PPARGC1B: variants seen among roughly 807,000 people sequenced by gnomAD.
The protein encoded by PPARGC1B is peroxisome proliferator-activated receptor gamma coactivator 1-beta.
Under a neutral mutation model 101.6 loss-of-function variants are expected in PPARGC1B, and 34 were observed. That is an observed-to-expected ratio of 0.33 (90% CI 0.25 to 0.45). PPARGC1B has a LOEUF of 0.45. PPARGC1B is among the 20% of genes least tolerant of loss of function. PPARGC1B has a pLI of 1.00. For synonymous variants in PPARGC1B, 548 were observed against 539.3 expected (o/e 1.02, Z -0.22); for missense variants, 1,234 against 1,317.6 (o/e 0.94, Z 0.98).
In PPARGC1B at chr5:149,852,963, A is replaced by T. The variant is rs1015242305; in HGVS notation, c.*5405A>T. Reference sequence around the variant, plus strand: ...AGGAGTACAAAAATCCAACTGCCCAAATTTGGGGCTTGGAAAATAGGTTTT... The same window carrying T: ...AGGAGTACAAAAATCCAACTGCCCATATTTGGGGCTTGGAAAATAGGTTTT... On this transcript the variant is annotated 3_prime_UTR_variant, in exon 12 of 12. Coordinates refer to ENST00000309241, the MANE Select transcript of PPARGC1B (RefSeq NM_133263.4). 2 of 152,086 alleles carry T rather than the reference A, an allele frequency of 1.3e-5. No homozygotes were observed. Among genetic ancestry groups the T allele is most frequent in the African/African-American group, 4.8e-5 (2 of 41,396 alleles). 9.4% of individuals were successfully genotyped at this position (152,086 alleles called of 1,614,324 possible). A position where few individuals can be genotyped will look rare whatever the true frequency, so the allele number is the denominator to read the frequency against.
intron 1 of PPARGC1B, among the ~76,000 whole-genome samples, chr5:149,799,991 G>C (rs924372435): frequency 2.6e-5 from 4 of 152,016 alleles, no homozygotes; most frequent in African/African-American, 7.2e-5. Context: ...GAGCCATTGC[G>C]CTTGGCTGGA....
intron 1 of PPARGC1B, among the ~76,000 whole-genome samples, chr5:149,770,186 A>C (rs1055044522): frequency 1.3e-5 from 2 of 152,028 alleles, no homozygotes; most frequent in African/African-American, 4.8e-5. Context: ...CATCATGCCT[A>C]AGCCCCTGCC....
chr5:149,841,218 G>A (rs936320924), intron 9 of PPARGC1B, among the ~76,000 whole-genome samples: 8 of 152,316 alleles, frequency 5.3e-5, no homozygotes, highest in African/African-American at 1.4e-4. Flanking sequence ...CCAGGGAAGG[G>A]CACCTTCAGG....
chr5:149,780,976 G>A (rs938779532), intron 1 of PPARGC1B, among the ~76,000 whole-genome samples: 6 of 152,202 alleles, frequency 3.9e-5, no homozygotes, highest in Admixed American at 2.6e-4. Context: ...GGCCAAGGCG[G>A]GGGAATCGCC....
chr5:149,847,122 A>G lies in PPARGC1B; in HGVS notation c.2972-336A>G. 7.1e-6 allele frequency: 3 copies of G among 422,412 alleles called. No homozygotes were observed. The East Asian group carries it at 1.5e-4, about 21-fold the overall frequency. The allele number at this position is 422,412 out of a possible 1,614,324, so 26.2% of individuals were successfully genotyped here. ...ATTCTAGTGTTGTTAGCCCTCCCTT[A>G]TGTGGCACTGCAGCAGGTTACTAAT... On this transcript the variant is annotated intron_variant, in intron 11 of 11. Coordinates refer to ENST00000309241, the MANE Select transcript of PPARGC1B (RefSeq NM_133263.4).
Position 149,829,587 on chromosome 5 carries a change from C to T in PPARGC1B, c.466-1180C>T, listed in dbSNP as rs555481183. 3.2e-4 allele frequency among the ~76,000 whole-genome samples: 48 copies of T among 151,828 alleles called. 1 individual carries two copies. The highest frequency in any genetic ancestry group is 5.0e-4 in the Non-Finnish European group (34 of 67,984). ...TATCAAGCTTGGCTAGGATCTCCGG[C>T]GGAAAATCTAGATGTATTCAACTTC... is the stretch of plus-strand genomic sequence containing the variant. On this transcript the variant is annotated intron_variant, in intron 3 of 11. Transcript: ENST00000309241.
At chr5:149,847,238 A>T (rs907219953) in intron 11 of PPARGC1B, 5 of 683,638 alleles carry the variant, frequency 7.3e-6, no homozygotes, top group Non-Finnish European at 5.5e-6. Context: ...AGGTCTCTAG[A>T]TAGGACAGCC....
chr5:149,761,986 T>C (rs556182865), intron 1 of PPARGC1B, among the ~76,000 whole-genome samples: 1 of 152,256 alleles, frequency 6.6e-6, no homozygotes, highest in South Asian at 2.1e-4. Context: ...GATTTGGATA[T>C]CTGCCTATCC....
At chr5:149,793,229 TG>T (rs1248923618) in intron 1 of PPARGC1B, among the ~76,000 whole-genome samples, 2 of 152,026 alleles carry the variant, frequency 1.3e-5, no homozygotes, top group East Asian at 3.9e-4. Flanking sequence ...GAGAAGTGGG[TG>T]GAGGCCATGG....
chr5:149,746,571 A>T (rs1432989694), intron 1 of PPARGC1B, among the ~76,000 whole-genome samples: 1 of 152,234 alleles, frequency 6.6e-6, no homozygotes, highest in Non-Finnish European at 1.5e-5. Context: ...GGGTGCACAA[A>T]TATCTCTTGG....
downstream of PPARGC1B, among the ~76,000 whole-genome samples, chr5:149,855,212 C>T (rs890733221): frequency 6.6e-6 from 1 of 152,140 alleles, no homozygotes; most frequent in Non-Finnish European, 1.5e-5. Context: ...AATATCCATT[C>T]GTGCCAGGCA....
At chr5:149,792,760 T>G (rs10476746) in intron 1 of PPARGC1B, among the ~76,000 whole-genome samples, 111,389 of 151,920 alleles carry the variant, frequency 0.73, 41,187 homozygotes, top group East Asian at 0.83. Context: ...CATTCATTCA[T>G]TCATTCATTC....
intron 1 of PPARGC1B, among the ~76,000 whole-genome samples, chr5:149,733,384 C>G (rs560678647): frequency 6.6e-6 from 1 of 152,298 alleles, no homozygotes; most frequent in African/African-American, 2.4e-5. Context: ...CCCAGAGTAC[C>G]CTCACTCACC....
intron 1 of PPARGC1B, among the ~76,000 whole-genome samples, chr5:149,741,357 G>A (rs1386766644): frequency 6.6e-6 from 1 of 152,218 alleles, no homozygotes; most frequent in African/African-American, 2.4e-5. Flanking sequence ...TTGCAAGGAA[G>A]TGTGGTACCC....
chr5:149,827,817 T>TA (rs1360769996), intron 3 of PPARGC1B, among the ~76,000 whole-genome samples: 2 of 152,208 alleles, frequency 1.3e-5, no homozygotes, highest in East Asian at 3.8e-4. Context: ...ACTCAGAAGT[T>TA]ACTGGAAGCA....
chr5:149,755,706 C>T (rs34606692), intron 1 of PPARGC1B, among the ~76,000 whole-genome samples: 34,153 of 149,738 alleles, frequency 0.23, 4,202 homozygotes, highest in Admixed American at 0.35. Context: ...TACAATGGCG[C>T]GATCTTGGCT....
intron 1 of PPARGC1B, among the ~76,000 whole-genome samples, chr5:149,786,605 T>A (rs1581052586): frequency 6.6e-6 from 1 of 152,318 alleles, no homozygotes; most frequent in South Asian, 2.1e-4. Flanking sequence ...CAGGCGTGTG[T>A]GCAGATACCT....
chr5:149,820,533 A>T lies in PPARGC1B; in HGVS notation c.179A>T (p.Glu60Val), dbSNP rs1439608437. ...TTTGACTCGGCCACCTGCTTTGGGG[A>T]GCTGCAGTGGTGCCCAGAGAACTCA... is the stretch of plus-strand genomic sequence containing the variant. Reference protein sequence around the residue: ...SDFDSATCFGELQWCPENSET... With the variant: ...SDFDSATCFGVLQWCPENSET... The change falls in exon 2 of 12, where the codon GAG (glutamate) becomes GTG (valine). Residue 60 changes from glutamate to valine, a missense_variant. Physicochemically the swap from Glu to Val is moderately radical, Grantham distance 121. Around this residue, in one of 3 missense-constraint regions of PPARGC1B, gnomAD observed 734 missense variants for 768.4 expected, o/e 0.96. Transcript: ENST00000309241. The T allele has an allele frequency of 6.2e-7, 1 of 1,613,946 alleles. No homozygotes were observed. Among genetic ancestry groups the T allele is most frequent in the East Asian group, 2.2e-5 (1 of 44,882 alleles).
chr5:149,757,664 A>C (rs897301030), intron 1 of PPARGC1B, among the ~76,000 whole-genome samples: 1 of 152,198 alleles, frequency 6.6e-6, no homozygotes, highest in African/African-American at 2.4e-5. Flanking sequence ...TGGATCTGCG[A>C]TTTAACACCC....
Sources: gnomAD v4.1 joint callset for allele counts (sites outside exome capture counted in the v4.1 genomes callset) on GRCh38, gnomAD v4.1.1 for gene constraint, gnomAD v4.1.1 regional missense constraint, MANE v1.5 for transcripts, NCBI Gene and HGNC (gene_info 2026-07-23, HGNC 2026-07-21) for gene names.